Variants in GPC6 observed in about 807,000 individuals in gnomAD.
GPC6 encodes the protein glypican-6.
In GPC6, 14 loss-of-function variants were observed where a neutral mutation model predicts 55.2. That is an observed-to-expected ratio of 0.25 (90% CI 0.17 to 0.40). The LOEUF (loss-of-function observed/expected upper bound fraction) is 0.40. Ranked by LOEUF, GPC6 falls within the 10% of genes least tolerant of loss-of-function variation. GPC6 has a pLI of 1.00. For synonymous variants in GPC6, 278 were observed against 259.6 expected (o/e 1.07, Z -0.68); for missense variants, 641 against 708.5 (o/e 0.90, Z 1.08).
chr13:94,253,452 G>T (rs567041316), intron 4 of GPC6, among the ~76,000 whole-genome samples: 1 of 152,034 alleles, frequency 6.6e-6, no homozygotes, highest in Non-Finnish European at 1.5e-5. Context: ...TTTAATAAGA[G>T]AGGAGTTTCA....
At chr13:93,720,795 AT>A (rs1883429261) in intron 2 of GPC6, among the ~76,000 whole-genome samples, 1 of 151,736 alleles carries the variant, frequency 6.6e-6, no homozygotes, top group Non-Finnish European at 1.5e-5. Flanking sequence ...CAAATAACTT[AT>A]TTATTTCGGC....
chr13:93,857,586 G>A (rs1265714312), intron 3 of GPC6, among the ~76,000 whole-genome samples: 3 of 151,492 alleles, frequency 2.0e-5, no homozygotes, highest in African/African-American at 7.3e-5. Flanking sequence ...TACAAAGTAA[G>A]GTAGAAAAAA....
intron 2 of GPC6, among the ~76,000 whole-genome samples, chr13:93,653,626 G>A (rs950911843): frequency 2.1e-5 from 1 of 48,632 alleles, no homozygotes; most frequent in Non-Finnish European, 1.0e-4. Flanking sequence ...ATATATATAT[G>A]ATTTTAAACT....
intron 3 of GPC6, among the ~76,000 whole-genome samples, chr13:93,849,019 T>C (rs1047976831): frequency 5.3e-5 from 8 of 152,082 alleles, no homozygotes; most frequent in Non-Finnish European, 2.9e-5. Context: ...AGCATGTTTG[T>C]TGATTCAAAG....
At chr13:93,306,071 C>T (rs1000632558) in intron 1 of GPC6, among the ~76,000 whole-genome samples, 1 of 152,152 alleles carries the variant, frequency 6.6e-6, no homozygotes, top group African/African-American at 2.4e-5. Context: ...GAGTTTATAA[C>T]ATGCTGTGTA....
At chr13:93,995,767 T>C (rs1490420119) in intron 3 of GPC6, among the ~76,000 whole-genome samples, 7 of 152,214 alleles carry the variant, frequency 4.6e-5, no homozygotes, top group Non-Finnish European at 1.0e-4. Flanking sequence ...ATATTATTCA[T>C]AAACCTCATA....
At chr13:94,367,926 G>A (rs1034903247) in intron 6 of GPC6, among the ~76,000 whole-genome samples, 22 of 151,776 alleles carry the variant, frequency 1.4e-4, no homozygotes, top group African/African-American at 4.6e-4. Context: ...TGAGGCGGGC[G>A]GATCATGAGG....
At chr13:93,436,393 C>T (rs942770943) in intron 1 of GPC6, among the ~76,000 whole-genome samples, 1 of 152,100 alleles carries the variant, frequency 6.6e-6, no homozygotes, top group Admixed American at 6.6e-5. Flanking sequence ...ATATTGTGTA[C>T]CATCCCAGCA....
At chr13:94,399,914 C>T (rs1302653944) in intron 8 of GPC6, among the ~76,000 whole-genome samples, 1 of 152,158 alleles carries the variant, frequency 6.6e-6, no homozygotes, top group African/African-American at 2.4e-5. Flanking sequence ...TCATTTTATC[C>T]ATTGTCTTCT....
intron 4 of GPC6, among the ~76,000 whole-genome samples, chr13:94,143,963 G>A (rs755165834): frequency 5.3e-5 from 8 of 152,170 alleles, no homozygotes; most frequent in Non-Finnish European, 1.2e-4. Context: ...ATTGTCACGT[G>A]GTTTCAACAC....
At chr13:94,181,617 G>A (rs996576665) in intron 4 of GPC6, among the ~76,000 whole-genome samples, 1 of 152,172 alleles carries the variant, frequency 6.6e-6, no homozygotes, top group Non-Finnish European at 1.5e-5. Context: ...TACTGGTGAT[G>A]CCAGGAGCAA....
chr13:94,105,365 G>A (rs1203389565), intron 4 of GPC6, among the ~76,000 whole-genome samples: 1 of 127,192 alleles, frequency 7.9e-6, no homozygotes, highest in African/African-American at 3.0e-5. Context: ...AAAATATCCT[G>A]TTTCAAATAA....
chr13:94,135,326 A>G (rs1421661293), intron 4 of GPC6, among the ~76,000 whole-genome samples: 1 of 152,102 alleles, frequency 6.6e-6, no homozygotes, highest in African/African-American at 2.4e-5. Flanking sequence ...TAGATGATTA[A>G]ATATGTGCAT....
chr13:93,803,766 A>G (rs9524225), intron 2 of GPC6, among the ~76,000 whole-genome samples: 43,302 of 152,062 alleles, frequency 0.28, 6,249 homozygotes, highest in Admixed American at 0.29. Context: ...AAAGTGAAAT[A>G]CTGATACATG....
At chr13:93,940,574 G>C (rs1461206037) in intron 3 of GPC6, among the ~76,000 whole-genome samples, 1 of 152,028 alleles carries the variant, frequency 6.6e-6, no homozygotes, top group Admixed American at 6.6e-5. Flanking sequence ...AGTGAGTGAA[G>C]GAACTGTTAT....
intron 2 of GPC6, among the ~76,000 whole-genome samples, chr13:93,655,315 G>A (rs1880615769): frequency 6.6e-6 from 1 of 152,238 alleles, no homozygotes; most frequent in South Asian, 2.1e-4. Flanking sequence ...ACTGAGTCAT[G>A]CCTGTGCTGA....
chr13:93,659,167 ATTAT>A (rs1880816742), intron 2 of GPC6, among the ~76,000 whole-genome samples: 1 of 151,862 alleles, frequency 6.6e-6, no homozygotes, highest in Non-Finnish European at 1.5e-5. Flanking sequence ...ATGATAGCCC[ATTAT>A]TTATTTTTCT....
intron 8 of GPC6, among the ~76,000 whole-genome samples, chr13:94,401,789 A>G (rs1881141927): frequency 6.6e-6 from 1 of 152,162 alleles, no homozygotes; most frequent in South Asian, 2.1e-4. Flanking sequence ...AAAAACCACC[A>G]GGTACAGAGG....
chr13:93,705,210 G>T (rs1375236865), intron 2 of GPC6, among the ~76,000 whole-genome samples: 1 of 151,866 alleles, frequency 6.6e-6, no homozygotes, highest in Non-Finnish European at 1.5e-5. Flanking sequence ...CCATACATAT[G>T]TCATATACAA....
Sources: allele counts gnomAD v4.1 joint callset (sites outside exome capture counted in the v4.1 genomes callset), GRCh38; gene constraint gnomAD v4.1.1; transcripts MANE v1.5; gene names NCBI Gene and HGNC (gene_info 2026-07-23, HGNC 2026-07-21).